RTL4: variants seen among roughly 807,000 people sequenced by gnomAD.
RTL4 encodes the protein retrotransposon Gag like 4, also known as retrotransposon Gag-like protein 4.
In RTL4, 4 loss-of-function variants were observed where a neutral mutation model predicts 5.3. The observed-to-expected ratio is 0.75, with a 90% CI of 0.37 to 1.72. The LOEUF (loss-of-function observed/expected upper bound fraction) is 1.72, where lower values mean the gene tolerates loss of function less well. Among genes scored for constraint, RTL4 ranks in the 40% most tolerant of loss-of-function variants. The pLI is 0.04. For missense variants in RTL4, 260 were observed against 227.1 expected (o/e 1.14, Z -0.93); for synonymous variants, 98 against 87.3 (o/e 1.12, Z -0.68).
At chrX:112,123,457 T>G in the RTL4 span, among the ~76,000 whole-genome samples, 4 of 112,236 alleles carry the variant, frequency 3.6e-5, no homozygotes, top group East Asian at 1.1e-3. Flanking sequence ...GGTTTCACAT[T>G]TAAGTCTTTA....
chrX:112,437,802 A>AT, the RTL4 span, among the ~76,000 whole-genome samples: 1 of 76,994 alleles, frequency 1.3e-5, no homozygotes, highest in Admixed American at 1.7e-4. Context: ...GGTGGTGGTG[A>AT]TGGTGGTGGT....
the RTL4 span, among the ~76,000 whole-genome samples, chrX:112,347,650 G>T: frequency 1.5e-4 from 17 of 111,475 alleles, no homozygotes; most frequent in African/African-American, 5.2e-4. Context: ...CTGCCACTAG[G>T]AACAATTGCA....
the RTL4 span, among the ~76,000 whole-genome samples, chrX:112,122,122 T>C: frequency 7.2e-5 from 8 of 111,766 alleles, no homozygotes; most frequent in Non-Finnish European, 1.3e-4. Context: ...CAAAGAGATA[T>C]CTGCACTCCC....
At chrX:112,119,379 A>G in the RTL4 span, among the ~76,000 whole-genome samples, 1 of 110,372 alleles carries the variant, frequency 9.1e-6, no homozygotes, top group Non-Finnish European at 1.9e-5. Flanking sequence ...TCATTGATGG[A>G]TTTGTGAGGG....
chrX:112,290,764 A>G, the RTL4 span, among the ~76,000 whole-genome samples: 3 of 112,407 alleles, frequency 2.7e-5, no homozygotes, highest in Non-Finnish European at 5.6e-5. Flanking sequence ...GACAATAGCT[A>G]TGAAAATAGT....
upstream of RTL4, among the ~76,000 whole-genome samples, chrX:112,453,976 T>C (rs1462354854): frequency 3.6e-5 from 4 of 111,510 alleles, no homozygotes; most frequent in Non-Finnish European, 7.5e-5. Context: ...TGATATTAAC[T>C]ATCTGTGTGA....
the RTL4 span, among the ~76,000 whole-genome samples, chrX:112,169,026 C>CTCTTTCTT: frequency 0.021 from 1,048 of 49,028 alleles, 11 homozygotes; most frequent in East Asian, 0.04. Flanking sequence ...CTTTCTCTTT[C>CTCTTTCTT]TCTTTCTTTC....
chrX:112,093,288 A>G, the RTL4 span, among the ~76,000 whole-genome samples: 9 of 111,119 alleles, frequency 8.1e-5, no homozygotes, highest in Non-Finnish European at 1.5e-4. Context: ...CCTACTTAAG[A>G]ACTCATAATA....
the RTL4 span, among the ~76,000 whole-genome samples, chrX:112,271,723 G>C: frequency 9.0e-6 from 1 of 111,296 alleles, no homozygotes; most frequent in Non-Finnish European, 1.9e-5. Context: ...TTCTTATTTA[G>C]TTTTTTTAAA....
At chrX:112,315,862 C>T in the RTL4 span, among the ~76,000 whole-genome samples, 1 of 111,896 alleles carries the variant, frequency 8.9e-6, no homozygotes, top group South Asian at 3.7e-4. Context: ...CAGATGGCTG[C>T]CAACTTCCTG....
chrX:112,236,438 T>TAG, the RTL4 span, among the ~76,000 whole-genome samples: 19 of 79,133 alleles, frequency 2.4e-4, no homozygotes, highest in Non-Finnish European at 4.1e-4. Context: ...GATATAGATC[T>TAG]ATATCTATAT....
At chrX:112,310,416 T>TATATATATATG in the RTL4 span, among the ~76,000 whole-genome samples, 2 of 21,031 alleles carry the variant, frequency 9.5e-5, no homozygotes, top group Non-Finnish European at 2.0e-4. Context: ...ATATATATAT[T>TATATATATATG]TAATATAATA....
the RTL4 span, among the ~76,000 whole-genome samples, chrX:112,363,185 C>T: frequency 3.1e-4 from 34 of 110,871 alleles, no homozygotes; most frequent in Admixed American, 3.2e-3. Context: ...ATGGGAGGCT[C>T]GCAGATTGTC....
At chrX:112,212,187 G>A in the RTL4 span, among the ~76,000 whole-genome samples, 1 of 111,172 alleles carries the variant, frequency 9.0e-6, no homozygotes. Context: ...CCATCCTGGC[G>A]AACACGGTGA....
the RTL4 span, among the ~76,000 whole-genome samples, chrX:112,286,990 A>G: frequency 8.9e-6 from 1 of 111,824 alleles, no homozygotes; most frequent in Non-Finnish European, 1.9e-5. Flanking sequence ...CCCTCATAGC[A>G]GTCGTGGCAA....
chrX:112,215,058 G>T, the RTL4 span, among the ~76,000 whole-genome samples: 2 of 111,593 alleles, frequency 1.8e-5, no homozygotes, highest in African/African-American at 6.5e-5. Flanking sequence ...AAAGTGCTGG[G>T]ATTACAGGCG....
At chrX:112,190,151 T>C in the RTL4 span, among the ~76,000 whole-genome samples, 12 of 77,199 alleles carry the variant, frequency 1.6e-4, no homozygotes, top group African/African-American at 4.4e-4. Flanking sequence ...TTTCTTTCTT[T>C]CTTTCTTTCT....
At chrX:112,238,569 A>G in the RTL4 span, among the ~76,000 whole-genome samples, 1 of 112,051 alleles carries the variant, frequency 8.9e-6, no homozygotes, top group East Asian at 2.8e-4. Flanking sequence ...TCTCCCTCTT[A>G]AAAATAAAAA....
At chrX:112,246,995 G>A in the RTL4 span, among the ~76,000 whole-genome samples, 1 of 111,563 alleles carries the variant, frequency 9.0e-6, no homozygotes, top group Non-Finnish European at 1.9e-5. Flanking sequence ...TATGTATGTA[G>A]TAATAGCAAA....
Sources: gnomAD v4.1 joint callset for allele counts (sites outside exome capture counted in the v4.1 genomes callset) on GRCh38, gnomAD v4.1.1 for gene constraint, MANE v1.5 for transcripts, NCBI Gene and HGNC (gene_info 2026-07-23, HGNC 2026-07-21) for gene names.